The following THSD4 variants were observed in gnomAD, a reference collection of about 807,000 sequenced individuals.
The protein encoded by THSD4 is thrombospondin type 1 domain containing 4, also known as thrombospondin type-1 domain-containing protein 4.
THSD4 carries 69 observed loss-of-function variants against 119.0 expected under a neutral mutation model. That is an observed-to-expected ratio of 0.58 (90% CI 0.48 to 0.71). THSD4 has a LOEUF of 0.71. Among genes scored for constraint, THSD4 ranks in the 30% least tolerant of loss-of-function variants. The pLI is 0.00. For missense variants in THSD4, 1,393 were observed against 1,391.1 expected, an observed-to-expected ratio of 1.00 and a Z score of -0.02; for synonymous variants, 524 against 540.4, an observed-to-expected ratio of 0.97 and a Z score of 0.42.
At chr15:71,694,321 G>A (rs951883083) in intron 8 of THSD4, among the ~76,000 whole-genome samples, 3 of 152,106 alleles carry the variant, frequency 2.0e-5, no homozygotes, top group African/African-American at 7.2e-5. Flanking sequence ...ATATAGATTT[G>A]GACCTGGTTA....
At chr15:71,728,162 C>T (rs2052899591) in intron 8 of THSD4, among the ~76,000 whole-genome samples, 1 of 152,116 alleles carries the variant, frequency 6.6e-6, no homozygotes, top group Non-Finnish European at 1.5e-5. Context: ...GGGCCAAAAT[C>T]AGCTCGTGGG....
chr15:71,420,822 ACTGT>A lies in THSD4; in HGVS notation c.1152+9004_1152+9007del, dbSNP rs1265207715. Among the ~76,000 whole-genome samples the A allele has an allele frequency of 1.9e-5, 2 of 106,084 alleles. 1 individual carries two copies. The highest frequency in any genetic ancestry group is 6.4e-5 in the African/African-American group (2 of 31,020). The allele number at this position is 106,084 out of a possible 152,430, so 69.6% of individuals were successfully genotyped here. A position where few individuals can be genotyped will look rare whatever the true frequency, so the allele number is the denominator to read the frequency against. Reference sequence around the variant, plus strand: ...GTTGTTTCTATTTATATCTTATTGTACTGTCTGTGTCTTGAACAGTTGTTGTAGT... The same window carrying A: ...GTTGTTTCTATTTATATCTTATTGTACTGTGTCTTGAACAGTTGTTGTAGT... On this transcript the variant is annotated intron_variant, in intron 7 of 17. Coordinates refer to ENST00000261862, the MANE Select transcript of THSD4 (RefSeq NM_024817.3).
At chr15:71,212,508 G>A (rs1403163731) in intron 3 of THSD4, among the ~76,000 whole-genome samples, 2 of 152,220 alleles carry the variant, frequency 1.3e-5, no homozygotes, top group Non-Finnish European at 2.9e-5. Context: ...GTGTTAATGA[G>A]AGATCAGGAG....
intron 7 of THSD4, among the ~76,000 whole-genome samples, chr15:71,441,882 G>A (rs7171282): frequency 0.12 from 18,980 of 152,076 alleles, 1,428 homozygotes; most frequent in East Asian, 0.3. Context: ...GCATAAAAGA[G>A]CCCTAGACAA....
chr15:71,326,036 A>G (rs2045332521), intron 6 of THSD4, among the ~76,000 whole-genome samples: 1 of 152,190 alleles, frequency 6.6e-6, no homozygotes, highest in Non-Finnish European at 1.5e-5. Context: ...AAGAACATCT[A>G]CTTAATAATT....
intron 7 of THSD4, among the ~76,000 whole-genome samples, chr15:71,646,261 C>T (rs1326129670): frequency 2.6e-5 from 4 of 152,192 alleles, no homozygotes; most frequent in Non-Finnish European, 5.9e-5. Flanking sequence ...AGCACCTCTG[C>T]ACACCTCTCT....
Position 71,160,977 on chromosome 15 carries a change from GAAA to G in THSD4, c.99+6046_99+6048del, listed in dbSNP as rs1275594679. ...ATTAACTATTCTTGCTTGTCTCAAGGAAATTAAAATTTCCCTTTTAATTTCTTC... is the reference window on the plus strand; with the variant it reads ...ATTAACTATTCTTGCTTGTCTCAAGGTTAAAATTTCCCTTTTAATTTCTTC... On this transcript the variant is annotated intron_variant, in intron 3 of 17. Transcript: ENST00000261862. Among the ~76,000 whole-genome samples the G allele has an allele frequency of 1.4e-4, 22 of 152,026 alleles. 1 individual carries two copies. The South Asian group carries it at 1.9e-3, about 13-fold the overall frequency.
chr15:71,111,126 C>A, upstream of THSD4: 1 of 1,591,100 alleles, frequency 6.3e-7, no homozygotes, highest in South Asian at 1.1e-5. Context: ...CAAAAGTTGT[C>A]TTGTACCAGG....
At chr15:71,350,995 C>T (rs145028982) in intron 6 of THSD4, among the ~76,000 whole-genome samples, 20 of 152,298 alleles carry the variant, frequency 1.3e-4, no homozygotes, top group Non-Finnish European at 1.6e-4. Flanking sequence ...TTTGTCACCA[C>T]GCTGTGGTGG....
intron 6 of THSD4, among the ~76,000 whole-genome samples, chr15:71,269,480 C>T (rs1205632562): frequency 6.6e-6 from 1 of 152,170 alleles, no homozygotes; most frequent in Admixed American, 6.5e-5. Context: ...ATGACAAACC[C>T]ATAGCCAATG....
intron 7 of THSD4, among the ~76,000 whole-genome samples, chr15:71,593,864 A>C (rs11636900): frequency 0.27 from 41,434 of 151,534 alleles, 5,926 homozygotes; most frequent in Admixed American, 0.34. Context: ...TGATTGCGCC[A>C]CTGCACTCCA....
At chr15:71,111,191 G>C (rs1448008040), upstream of THSD4, 2 of 1,612,842 alleles carry the variant, frequency 1.2e-6, no homozygotes, top group South Asian at 1.1e-5. Flanking sequence ...AAGAGGATGA[G>C]AGCAAGTGTG....
chr15:71,207,873 G>C (rs984475661), intron 3 of THSD4, among the ~76,000 whole-genome samples: 7 of 152,182 alleles, frequency 4.6e-5, no homozygotes, highest in African/African-American at 1.7e-4. Flanking sequence ...GTGCCAAAAA[G>C]GTTGGGGACC....
chr15:71,330,819 C>T (rs1473288537), intron 6 of THSD4, among the ~76,000 whole-genome samples: 6 of 152,204 alleles, frequency 3.9e-5, no homozygotes, highest in Admixed American at 3.9e-4. Flanking sequence ...ACCAGTCCAT[C>T]GCTCTGTTGG....
At chr15:71,683,625 C>G (rs988213812) in intron 8 of THSD4, among the ~76,000 whole-genome samples, 1 of 152,190 alleles carries the variant, frequency 6.6e-6, no homozygotes, top group Non-Finnish European at 1.5e-5. Context: ...CAACCTGATT[C>G]ATGCCCAGAG....
intron 6 of THSD4, among the ~76,000 whole-genome samples, chr15:71,303,702 T>C (rs974647342): frequency 2.6e-5 from 4 of 152,184 alleles, no homozygotes; most frequent in African/African-American, 9.7e-5. Context: ...AAACTGGGCC[T>C]TATGCTGGCA....
At chr15:71,473,395 A>G (rs1162672957) in intron 7 of THSD4, among the ~76,000 whole-genome samples, 1 of 152,146 alleles carries the variant, frequency 6.6e-6, no homozygotes, top group East Asian at 1.9e-4. Context: ...AGGTCATTCA[A>G]TATTATTTTA....
intron 1 of THSD4, among the ~76,000 whole-genome samples, chr15:71,105,492 T>C (rs908744270): frequency 6.6e-6 from 1 of 152,148 alleles, no homozygotes; most frequent in Non-Finnish European, 1.5e-5. Context: ...TCCCTTAGTT[T>C]TTCTGGTGTT....
At chr15:71,140,481 G>A (rs2040591883) in intron 1 of THSD4, among the ~76,000 whole-genome samples, 1 of 152,124 alleles carries the variant, frequency 6.6e-6, no homozygotes, top group East Asian at 1.9e-4. Flanking sequence ...CCACCCGCAT[G>A]ACCAGACACC....
Sources: gnomAD v4.1 joint callset for allele counts (sites outside exome capture counted in the v4.1 genomes callset) on GRCh38, gnomAD v4.1.1 for gene constraint, MANE v1.5 for transcripts, NCBI Gene and HGNC (gene_info 2026-07-23, HGNC 2026-07-21) for gene names.